Variants in DNER observed in about 807,000 individuals in gnomAD.
DNER encodes delta and Notch-like epidermal growth factor-related receptor.
In DNER, 33 loss-of-function variants were observed where a neutral mutation model predicts 78.2. That is an observed-to-expected ratio of 0.42 (90% confidence interval 0.32 to 0.56). The LOEUF is 0.56. DNER is among the 20% of genes least tolerant of loss of function. The pLI, the probability that DNER is intolerant of heterozygous loss-of-function variation, is 0.11. For missense variants in DNER, 918 were observed against 975.3 expected (o/e 0.94, Z 0.78); for synonymous variants, 417 against 384.8 (o/e 1.08, Z -0.98).
chr2:229,458,920 T>A (rs574965600), intron 7 of DNER, among the ~76,000 whole-genome samples: 1 of 152,208 alleles, frequency 6.6e-6, no homozygotes, highest in South Asian at 2.1e-4. Flanking sequence ...TTTAGCAAAC[T>A]GTCAGCATAC....
intron 8 of DNER, among the ~76,000 whole-genome samples, chr2:229,431,966 C>T (rs1238136361): frequency 6.6e-6 from 1 of 152,102 alleles, no homozygotes; most frequent in Non-Finnish European, 1.5e-5. Flanking sequence ...CCTCTATAAA[C>T]ATATGGTGTC....
chr2:229,520,247 G>A (rs969265204), intron 5 of DNER, among the ~76,000 whole-genome samples: 24 of 152,278 alleles, frequency 1.6e-4, no homozygotes, highest in African/African-American at 5.5e-4. Context: ...GATATCCTGG[G>A]TTTGGCTGTA....
chr2:229,401,991 C>T (rs994111240), intron 10 of DNER, among the ~76,000 whole-genome samples: 57 of 152,000 alleles, frequency 3.8e-4, no homozygotes, highest in South Asian at 2.1e-4. Flanking sequence ...TAAGTCACAC[C>T]GTAAACAAAA....
chr2:229,408,634 A>G (rs970147743), intron 9 of DNER, among the ~76,000 whole-genome samples: 5 of 152,156 alleles, frequency 3.3e-5, no homozygotes, highest in South Asian at 2.1e-4. Context: ...GCCACACCCA[A>G]TGACTCATCC....
intron 1 of DNER, among the ~76,000 whole-genome samples, chr2:229,687,573 C>T (rs906902982): frequency 1.3e-5 from 2 of 152,030 alleles, no homozygotes; most frequent in African/African-American, 2.4e-5. Context: ...GCCCAAATTT[C>T]CAACTTCTTT....
chr2:229,472,936 T>C (rs997838203), intron 7 of DNER, among the ~76,000 whole-genome samples: 26 of 152,292 alleles, frequency 1.7e-4, no homozygotes, highest in African/African-American at 6.0e-4. Context: ...AGCGCAGCTA[T>C]GAAGGTGACT....
At chr2:229,673,352 T>C (rs1220449513) in intron 1 of DNER, among the ~76,000 whole-genome samples, 2 of 152,158 alleles carry the variant, frequency 1.3e-5, no homozygotes, top group Non-Finnish European at 2.9e-5. Flanking sequence ...TCCGCAGCAG[T>C]TCAGAAGTTC....
intron 8 of DNER, among the ~76,000 whole-genome samples, chr2:229,433,408 C>T (rs1694059262): frequency 6.6e-6 from 1 of 152,166 alleles, no homozygotes; most frequent in African/African-American, 2.4e-5. Context: ...AAGCTACCCT[C>T]CTCTCGAGGT....
intron 8 of DNER, among the ~76,000 whole-genome samples, chr2:229,446,677 A>C (rs1023043694): frequency 5.9e-5 from 9 of 152,360 alleles, no homozygotes; most frequent in Non-Finnish European, 1.3e-4. Flanking sequence ...GTGCACACAC[A>C]AAATTTTGAC....
chr2:229,506,155 G>C (rs1695740610), intron 6 of DNER, among the ~76,000 whole-genome samples: 1 of 148,144 alleles, frequency 6.8e-6, no homozygotes, highest in Non-Finnish European at 1.5e-5. Flanking sequence ...ATTTATAAAG[G>C]AAAGAGGTTT....
chr2:229,628,846 C>G (rs1286804481), intron 1 of DNER, among the ~76,000 whole-genome samples: 1 of 152,204 alleles, frequency 6.6e-6, no homozygotes, highest in Non-Finnish European at 1.5e-5. Flanking sequence ...GGTACTACCC[C>G]TGGTCTAGCC....
At chr2:229,544,802 G>A (rs540084118) in intron 5 of DNER, among the ~76,000 whole-genome samples, 13 of 152,274 alleles carry the variant, frequency 8.5e-5, no homozygotes, top group African/African-American at 2.6e-4. Context: ...CCAAAGTGCT[G>A]GGATTACAGG....
chr2:229,450,588 T>C (rs1694435486), intron 7 of DNER, among the ~76,000 whole-genome samples: 1 of 152,034 alleles, frequency 6.6e-6, no homozygotes, highest in African/African-American at 2.4e-5. Flanking sequence ...AAGAGGTGAG[T>C]CAGTTAAACT....
intron 8 of DNER, among the ~76,000 whole-genome samples, chr2:229,423,156 T>C (rs1295970802): frequency 6.6e-6 from 1 of 152,112 alleles, no homozygotes; most frequent in Non-Finnish European, 1.5e-5. Flanking sequence ...GGCAAAGTTA[T>C]TAAATATTGC....
chr2:229,686,266 C>T (rs767381036), intron 1 of DNER, among the ~76,000 whole-genome samples: 1 of 152,160 alleles, frequency 6.6e-6, no homozygotes, highest in African/African-American at 2.4e-5. Context: ...GGCACAGCTA[C>T]AGCCTTGCCC....
intron 12 of DNER, among the ~76,000 whole-genome samples, chr2:229,363,985 CT>C (rs10600729): frequency 2.1e-4 from 16 of 77,836 alleles, no homozygotes; most frequent in Non-Finnish European, 3.0e-4. Context: ...CAATTCTCTG[CT>C]TTTTTTTTTT....
intron 8 of DNER, among the ~76,000 whole-genome samples, chr2:229,439,226 G>T (rs559102221): frequency 6.6e-6 from 1 of 152,104 alleles, no homozygotes; most frequent in South Asian, 2.1e-4. Flanking sequence ...TGCCCACTAT[G>T]GCCATTTCAT....
rs1408328128 is a variant in DNER, at chr2:229,714,158, G to C, written c.266C>G (p.Ala89Gly). 7.6e-7 allele frequency: 1 copy of C among 1,321,082 alleles called. No individual in the cohort carries two copies. Among genetic ancestry groups the C allele is most frequent in the African/African-American group, 1.5e-5 (1 of 64,894 alleles). 81.8% of individuals were successfully genotyped at this position (1,321,082 alleles called of 1,614,324 possible). ...SCTCPAGISG[A>G]NCQLVADPCA... is the part of the protein sequence containing the mutation. ...GCCGCTTCCACTCACCTGGCAGTTG[G>C]CGCCGGAGATCCCGGCGGGGCAGGT... The change falls in exon 1 of 13, where the codon GCC becomes GGC. Residue 89 changes from alanine (A) to glycine (G), a missense_variant. Transcript: ENST00000341772.
intron 5 of DNER, among the ~76,000 whole-genome samples, chr2:229,530,077 TA>T (rs1388146528): frequency 1.3e-5 from 2 of 151,904 alleles, no homozygotes; most frequent in African/African-American, 4.8e-5. Context: ...AAGCACCTAT[TA>T]AACTATAATG....
Sources: allele counts gnomAD v4.1 joint callset (sites outside exome capture counted in the v4.1 genomes callset), GRCh38; gene constraint gnomAD v4.1.1; transcripts MANE v1.5; gene names NCBI Gene and HGNC (gene_info 2026-07-23, HGNC 2026-07-21).